The following KTN1 variants were observed in gnomAD, a reference collection of about 807,000 sequenced individuals.
KTN1 encodes kinectin 1.
Under a neutral mutation model 222.5 loss-of-function variants are expected in KTN1, and 130 were observed. That is an observed-to-expected ratio of 0.58 (90% CI 0.51 to 0.68). KTN1 has a LOEUF of 0.68. Ranked by LOEUF, KTN1 falls within the 30% of genes least tolerant of loss-of-function variation. The probability of loss-of-function intolerance (pLI) is 0.00; values close to 1 mark genes in which losing one functional copy is unlikely to be tolerated. For missense variants in KTN1, 1,508 were observed against 1,500.4 expected (o/e 1.01, Z -0.08); for synonymous variants, 512 against 496.3 (o/e 1.03, Z -0.42).
intron 29 of KTN1, among the ~76,000 whole-genome samples, chr14:55,657,009 A>G (rs964433846): frequency 4.6e-5 from 7 of 152,380 alleles, no homozygotes; most frequent in Non-Finnish European, 8.8e-5. Context: ...CAACTTACTT[A>G]CAGAAGATTG....
At chr14:55,658,826 C>T (rs912198486) in intron 30 of KTN1, among the ~76,000 whole-genome samples, 1 of 152,072 alleles carries the variant, frequency 6.6e-6, no homozygotes, top group Non-Finnish European at 1.5e-5. Context: ...ATATTATTGC[C>T]GGTATTCCAG....
rs1297833709 is a variant in KTN1 at position 55,631,340 on chromosome 14, T to TGAGATAGATATATA, written c.1221+1245_1221+1246insGATAGATATATAGA. Among the ~76,000 whole-genome samples, 26 of 53,014 alleles carry TGAGATAGATATATA rather than the reference T, an allele frequency of 4.9e-4. No individual in the cohort carries two copies. The South Asian group carries it at 0.018, about 36-fold the overall frequency. The allele number at this position is 53,014 out of a possible 152,430, so 34.8% of individuals were successfully genotyped here. ...TCTAAAACTCACCTATTGATAAGGT[T>TGAGATAGATATATA]GATATATATATATATATATATATAT... On this transcript the variant is annotated intron_variant, in intron 7 of 43. Coordinates refer to ENST00000395314, the MANE Select transcript of KTN1 (RefSeq NM_001079521.2).
chr14:55,626,650 G>T (rs2039866744), intron 5 of KTN1, among the ~76,000 whole-genome samples: 1 of 151,944 alleles, frequency 6.6e-6, no homozygotes, highest in Non-Finnish European at 1.5e-5. Flanking sequence ...GTTTTTCTTG[G>T]ATCATCTTTG....
Position 55,612,582 on chromosome 14 carries a change from CTATT to C in KTN1, c.523+14_523+17del. On this transcript the variant is annotated intron_variant, in intron 2 of 43. Coordinates refer to ENST00000395314, the MANE Select transcript of KTN1 (RefSeq NM_001079521.2). ...CTAAAAATGGAAGCGGTATTGTAATCTATTTAATCTATTTAATTTTATTGTATGA... is the reference window on the plus strand; with the variant it reads ...CTAAAAATGGAAGCGGTATTGTAATCTAATCTATTTAATTTTATTGTATGA... 1 of 1,543,256 alleles carries C rather than the reference CTATT, an allele frequency of 6.5e-7. No individual in the cohort carries two copies. Among genetic ancestry groups the C allele is most frequent in the African/African-American group, 1.4e-5 (1 of 71,916 alleles).
chr14:55,611,950 T>C, intron 1 of KTN1, 69 bp from the exon 2 acceptor site: 2 of 675,778 alleles, frequency 3.0e-6, no homozygotes, highest in Non-Finnish European at 4.6e-6. Context: ...AGCAGCAGTT[T>C]TGACTTTAAT....
At chr14:55,612,948 A>G (rs10136386) in intron 2 of KTN1, among the ~76,000 whole-genome samples, 70,483 of 151,770 alleles carry the variant, frequency 0.46, 18,539 homozygotes, top group Non-Finnish European at 0.59. Context: ...AACTTTGGCT[A>G]TTTTACTTAA....
chr14:55,580,656 C>G (rs1046383089), intron 1 of KTN1, among the ~76,000 whole-genome samples: 1 of 151,984 alleles, frequency 6.6e-6, no homozygotes, highest in East Asian at 1.9e-4. Flanking sequence ...GGGACACCCC[C>G]CACCCTCCCC....
intron 1 of KTN1, among the ~76,000 whole-genome samples, chr14:55,589,779 C>G (rs1034323217): frequency 6.6e-6 from 1 of 151,134 alleles, no homozygotes; most frequent in African/African-American, 2.4e-5. Flanking sequence ...CTGCCTCAAC[C>G]TCTTGAGTAG....
At chr14:55,617,261 C>CATAT (rs1486568851) in intron 3 of KTN1, among the ~76,000 whole-genome samples, 2 of 151,970 alleles carry the variant, frequency 1.3e-5, no homozygotes, top group African/African-American at 4.8e-5. Context: ...AAAGAAGAGA[C>CATAT]ATATATAAGT....
chr14:55,589,656 C>CTTT (rs765755065), intron 1 of KTN1, among the ~76,000 whole-genome samples: 18,808 of 101,924 alleles, frequency 0.18, 2,504 homozygotes, highest in East Asian at 0.26. Context: ...CATCTGATTT[C>CTTT]TTTTTTTTTT....
chr14:55,653,372 T>C (rs532462675), intron 27 of KTN1, among the ~76,000 whole-genome samples, 187 bp from the exon 28 acceptor site: 5 of 152,192 alleles, frequency 3.3e-5, no homozygotes, highest in East Asian at 1.9e-4. Context: ...CTTTAATCTT[T>C]TAATAAGTAT....
Position 55,640,196 on chromosome 14 carries a change from A to G in KTN1, c.1915-178A>G, listed in dbSNP as rs17128647. On this transcript the variant is annotated intron_variant, in intron 14 of 43. Coordinates refer to ENST00000395314, the MANE Select transcript of KTN1 (RefSeq NM_001079521.2). ...ATTCAAAGGGCTTCTCTCATGTGATATAATTTACAATAATTTGATAGGAAT... is the reference window on the plus strand; with the variant it reads ...ATTCAAAGGGCTTCTCTCATGTGATGTAATTTACAATAATTTGATAGGAAT... Among the ~76,000 whole-genome samples, 83 of 152,032 alleles carry G rather than the reference A, an allele frequency of 5.5e-4. 2 individuals carry two copies. In the East Asian group the frequency reaches 0.016, roughly 29 times the overall value.
chr14:55,599,696 C>T (rs891504990), intron 1 of KTN1, among the ~76,000 whole-genome samples: 1 of 151,944 alleles, frequency 6.6e-6, no homozygotes, highest in African/African-American at 2.4e-5. Flanking sequence ...AGGTGGTTCT[C>T]GGAACTCCTG....
chr14:55,615,611 G>A (rs1379467221), intron 2 of KTN1, among the ~76,000 whole-genome samples: 1 of 152,142 alleles, frequency 6.6e-6, no homozygotes, highest in East Asian at 1.9e-4. Flanking sequence ...GTAGAATATG[G>A]CATTTGGGAC....
At chr14:55,630,631 T>C (rs2040402404) in intron 7 of KTN1, among the ~76,000 whole-genome samples, 1 of 152,082 alleles carries the variant, frequency 6.6e-6, no homozygotes, top group African/African-American at 2.4e-5. Flanking sequence ...TATTTGGTAA[T>C]GAGGGCTGGA....
At chr14:55,649,123 C>T (rs181031478) in intron 21 of KTN1, among the ~76,000 whole-genome samples, 6 of 152,166 alleles carry the variant, frequency 3.9e-5, no homozygotes, top group East Asian at 1.9e-4. Context: ...GATAGGGTCT[C>T]GACATGTTGT....
At chr14:55,669,102 T>C (rs2045197839) in intron 34 of KTN1, among the ~76,000 whole-genome samples, 1 of 152,106 alleles carries the variant, frequency 6.6e-6, no homozygotes, top group African/African-American at 2.4e-5. Flanking sequence ...TTTTTGTTTC[T>C]ACTTTATATT....
At chr14:55,676,143 TAATTG>T (rs1327585311) in intron 41 of KTN1, among the ~76,000 whole-genome samples, 1 of 152,216 alleles carries the variant, frequency 6.6e-6, no homozygotes, top group East Asian at 1.9e-4. Flanking sequence ...TTTCTATAAT[TAATTG>T]CTTTATAAAG....
chr14:55,638,987 G>A (rs997984613), intron 12 of KTN1, among the ~76,000 whole-genome samples, 198 bp from the exon 13 acceptor site: 24 of 151,646 alleles, frequency 1.6e-4, no homozygotes, highest in Non-Finnish European at 2.8e-4. Context: ...TATGTAATTC[G>A]TGACTACTGG....
Sources: allele counts gnomAD v4.1 joint callset (sites outside exome capture counted in the v4.1 genomes callset), GRCh38; gene constraint gnomAD v4.1.1; transcripts MANE v1.5; gene names NCBI Gene and HGNC (gene_info 2026-07-23, HGNC 2026-07-21).